The following AGBL1 variants were observed in gnomAD, a reference collection of about 807,000 sequenced individuals.
AGBL1 encodes the protein cytosolic carboxypeptidase 4.
AGBL1 carries 130 observed loss-of-function variants against 118.9 expected under a neutral mutation model. The ratio of observed to expected loss-of-function variants is 1.09; its 90% CI spans 0.95 to 1.26. The LOEUF is 1.26. Ranked by LOEUF, AGBL1 falls within the 50% of genes most tolerant of loss-of-function variation. The pLI is 0.00. For missense variants in AGBL1, 1,584 were observed against 1,298.1 expected, an observed-to-expected ratio of 1.22 and a Z score of -3.38; for synonymous variants, 555 against 478.9, an observed-to-expected ratio of 1.16 and a Z score of -2.08.
chr15:86,173,163 T>C (rs747693968), intron 5 of AGBL1: 5 of 152,200 alleles, frequency 3.3e-5, no homozygotes, highest in Non-Finnish European at 7.3e-5. Flanking sequence ...TTGAGAAATG[T>C]CTATTTAGAT....
chr15:86,368,744 G>A (rs1366607220), intron 17 of AGBL1, among the ~76,000 whole-genome samples: 1 of 152,138 alleles, frequency 6.6e-6, no homozygotes, highest in African/African-American at 2.4e-5. Flanking sequence ...AGAACTTCCA[G>A]AAGAGAATGA....
intron 24 of AGBL1, among the ~76,000 whole-genome samples, chr15:86,997,075 T>C (rs926709864): frequency 6.6e-6 from 1 of 152,090 alleles, no homozygotes; most frequent in Non-Finnish European, 1.5e-5. Flanking sequence ...TTTTCTTTCC[T>C]GTTGTTTTGA....
intron 17 of AGBL1, among the ~76,000 whole-genome samples, chr15:86,310,243 C>A (rs754569694): frequency 5.3e-5 from 8 of 152,114 alleles, no homozygotes; most frequent in Non-Finnish European, 1.2e-4. Flanking sequence ...CGCTTATGAT[C>A]CTTTGTATTT....
chr15:86,928,501 A>G (rs2080570678), intron 23 of AGBL1, among the ~76,000 whole-genome samples: 1 of 152,196 alleles, frequency 6.6e-6, no homozygotes, highest in South Asian at 2.1e-4. Context: ...GGACTGGAGC[A>G]TTTATTTGAG....
At chr15:86,571,866 C>CCTGCCTCCTTCGCCCAGGAAA (rs2084013343) in intron 21 of AGBL1, among the ~76,000 whole-genome samples, 1 of 152,186 alleles carries the variant, frequency 6.6e-6, no homozygotes, top group Non-Finnish European at 1.5e-5. Context: ...TCACTAGGGA[C>CCTGCCTCCTTCGCCCAGGAAA]CTGCCTCCTT....
chr15:86,833,800 C>G (rs185867128), intron 22 of AGBL1, among the ~76,000 whole-genome samples: 30 of 152,240 alleles, frequency 2.0e-4, no homozygotes, highest in African/African-American at 7.0e-4. Flanking sequence ...GTCCCCAGTA[C>G]TTAAGATACA....
At chr15:86,515,104 T>C (rs1469802796) in intron 18 of AGBL1, among the ~76,000 whole-genome samples, 3 of 152,222 alleles carry the variant, frequency 2.0e-5, no homozygotes, top group Non-Finnish European at 4.4e-5. Flanking sequence ...TTTGAGTTAA[T>C]AGTTGGTTTT....
chr15:86,512,204 G>T (rs1025710660), intron 18 of AGBL1, among the ~76,000 whole-genome samples: 5 of 151,856 alleles, frequency 3.3e-5, no homozygotes, highest in African/African-American at 1.2e-4. Context: ...CAAGTCTGTC[G>T]CTGAGGTGTC....
intron 24 of AGBL1, among the ~76,000 whole-genome samples, chr15:86,991,503 G>A (rs989832320): frequency 2.6e-5 from 4 of 151,974 alleles, no homozygotes; most frequent in Non-Finnish European, 5.9e-5. Flanking sequence ...ACCAAAGTAT[G>A]AGAGATCAAG....
intron 21 of AGBL1, among the ~76,000 whole-genome samples, chr15:86,631,683 G>C (rs539965710): frequency 6.6e-6 from 1 of 152,164 alleles, no homozygotes; most frequent in Non-Finnish European, 1.5e-5. Context: ...GGGAGGTGTG[G>C]TTCATGGGAG....
In AGBL1 at chr15:86,664,094, T is replaced by G. The variant is rs558861587; in HGVS notation, c.2995-10179T>G. Among the ~76,000 whole-genome samples, 139 of 152,316 alleles carry G rather than the reference T, an allele frequency of 9.1e-4. 2 individuals carry two copies. Among genetic ancestry groups the G allele is most frequent in the Admixed American group, 9.1e-3 (139 of 15,282 alleles). On this transcript the variant is annotated intron_variant, in intron 21 of 22. Coordinates refer to ENST00000614907, the MANE Select transcript of AGBL1 (RefSeq NM_001386094.1). ...CTAGCCCACACCTTCAACCCTGCTG[T>G]GCCAGTGAATATATGGCCTTTTTTG...
intron 5 of AGBL1, among the ~76,000 whole-genome samples, chr15:86,165,324 A>T (rs2077325086): frequency 6.6e-6 from 1 of 152,046 alleles, no homozygotes; most frequent in South Asian, 2.1e-4. Context: ...CTTTCTGGTG[A>T]TTTCATCTGC....
At chr15:86,212,478 C>T (rs1438352814) in intron 5 of AGBL1, among the ~76,000 whole-genome samples, 1 of 152,114 alleles carries the variant, frequency 6.6e-6, no homozygotes, top group Non-Finnish European at 1.5e-5. Context: ...AAAAGGCTTT[C>T]TAAAGAATGA....
chr15:86,811,067 C>A (rs894539172), intron 22 of AGBL1, among the ~76,000 whole-genome samples: 1 of 152,140 alleles, frequency 6.6e-6, no homozygotes, highest in Non-Finnish European at 1.5e-5. Flanking sequence ...AGATGATGTA[C>A]AAATATGTGG....
chr15:86,099,869 G>A (rs746618796), intron 1 of AGBL1, among the ~76,000 whole-genome samples: 2 of 152,094 alleles, frequency 1.3e-5, no homozygotes, highest in Non-Finnish European at 2.9e-5. Context: ...TCAGTACTAT[G>A]TTGAATAAGG....
chr15:86,517,148 C>G (rs2083131402), intron 18 of AGBL1, among the ~76,000 whole-genome samples: 1 of 152,218 alleles, frequency 6.6e-6, no homozygotes, highest in South Asian at 2.1e-4. Flanking sequence ...GCTGGCTCTG[C>G]TCCAGATGAG....
intron 21 of AGBL1, among the ~76,000 whole-genome samples, chr15:86,608,282 G>A (rs1333630511): frequency 1.3e-5 from 2 of 152,126 alleles, no homozygotes; most frequent in Non-Finnish European, 2.9e-5. Flanking sequence ...GTTAGGGCAA[G>A]ACTTTCTTTG....
chr15:86,423,236 C>G (rs1037369800), intron 18 of AGBL1, among the ~76,000 whole-genome samples: 7 of 152,224 alleles, frequency 4.6e-5, no homozygotes, highest in African/African-American at 1.7e-4. Flanking sequence ...AGCTTATCCA[C>G]CACGATAAAG....
At chr15:86,136,573 T>C (rs1190153630) in intron 1 of AGBL1, among the ~76,000 whole-genome samples, 6 of 152,164 alleles carry the variant, frequency 3.9e-5, no homozygotes, top group Non-Finnish European at 8.8e-5. Context: ...TAACATATGC[T>C]ACAAAGAGTG....
Sources: gnomAD v4.1 joint callset for allele counts (sites outside exome capture counted in the v4.1 genomes callset) on GRCh38, gnomAD v4.1.1 for gene constraint, MANE v1.5 for transcripts, NCBI Gene and HGNC (gene_info 2026-07-23, HGNC 2026-07-21) for gene names.